TRMT13: variants seen among roughly 807,000 people sequenced by gnomAD.
TRMT13 encodes tRNA methyltransferase 13.
TRMT13 carries 45 observed loss-of-function variants against 55.9 expected under a neutral mutation model. The ratio of observed to expected loss-of-function variants is 0.80; its 90% confidence interval spans 0.63 to 1.03. The LOEUF (loss-of-function observed/expected upper bound fraction) is 1.03, where lower values mean the gene tolerates loss of function less well. Ranked by LOEUF, TRMT13 falls within the 50% of genes least tolerant of loss-of-function variation. The probability of loss-of-function intolerance (pLI) is 0.00; values close to 1 mark genes in which losing one functional copy is unlikely to be tolerated. For missense variants in TRMT13, 513 were observed against 563.9 expected, an observed-to-expected ratio of 0.91 and a Z score of 0.91; for synonymous variants, 183 against 196.3, an observed-to-expected ratio of 0.93 and a Z score of 0.57.
intron 1 of TRMT13, among the ~76,000 whole-genome samples, chr1:100,134,967 T>C (rs2101712813): frequency 6.6e-6 from 1 of 152,340 alleles, no homozygotes; most frequent in South Asian, 2.1e-4. Flanking sequence ...AAGTGTCATA[T>C]ATAGCTGTGA....
rs529877317 is a variant in TRMT13, at chr1:100,149,526, T to G, written c.*706T>G. 2,574 of 1,264,224 alleles carry G rather than the reference T, an allele frequency of 2.0e-3. 2 individuals carry two copies. The highest frequency in any genetic ancestry group is 2.9e-3 in the Admixed American group (101 of 34,576). 78.3% of individuals were successfully genotyped at this position (1,264,224 alleles called of 1,614,324 possible). ...TCCAAAAAGATACTTACAAACATAA[T>G]TCACAAATTTGAAATAATTTCTGAA... On this transcript the variant is annotated 3_prime_UTR_variant, in exon 11 of 11. Transcript: ENST00000370141.
Position 100,143,157 on chromosome 1 carries a change from G to T in TRMT13, c.690G>T (p.Lys230Asn), listed in dbSNP as rs1215933679. The change falls in exon 8 of 11, where the codon AAG becomes AAT. Residue 230 changes from lysine to asparagine, a missense_variant. Physicochemically the swap from Lys to Asn is moderately conservative, Grantham distance 94. Transcript: ENST00000370141. ...TRFKVDGKHR[K>N]KNSVFERLQI... ...TGCAGGTGGATGGAAAACACAGAAA[G>T]AAAAATTCAGTGTTTGAAAGACTTC... The T allele has an allele frequency of 1.2e-6, 2 of 1,609,982 alleles. No homozygotes were observed. The highest frequency in any genetic ancestry group is 1.7e-6 in the Non-Finnish European group (2 of 1,177,594).
At position 100,139,490 on chromosome 1, in the gene TRMT13, C is replaced by T. The variant is rs570225964; in HGVS notation, c.262-159C>T. Among the ~76,000 whole-genome samples the T allele has an allele frequency of 9.2e-5, 14 of 152,074 alleles. No homozygotes were observed. The South Asian group carries it at 2.9e-3, about 32-fold the overall frequency. ...CCCAATACCTAAAGCAAACTAGGGC[C>T]TAGAGTAAATATTCAATAGTGATTT... On this transcript the variant is annotated intron_variant, in intron 3 of 10. Transcript: ENST00000370141.
At chr1:100,134,094 G>A (rs1230788559) in intron 1 of TRMT13, among the ~76,000 whole-genome samples, 3 of 151,862 alleles carry the variant, frequency 2.0e-5, no homozygotes, top group Non-Finnish European at 2.9e-5. Flanking sequence ...AATTTTTTTC[G>A]ACTTACAGTT....
chr1:100,136,696 T>A (rs1290079420), intron 1 of TRMT13, among the ~76,000 whole-genome samples, 186 bp from the exon 2 acceptor site: 1 of 152,194 alleles, frequency 6.6e-6, no homozygotes, highest in Non-Finnish European at 1.5e-5. Flanking sequence ...TTCATATGTA[T>A]TTAAGCCAGT....
chr1:100,133,627 A>G (rs543767406), intron 1 of TRMT13, among the ~76,000 whole-genome samples: 15 of 152,296 alleles, frequency 9.8e-5, no homozygotes, highest in African/African-American at 3.6e-4. Flanking sequence ...TTCCTGCTGG[A>G]AAGTGGTAGT....
chr1:100,143,081 A>T (rs1656813001), intron 7 of TRMT13, 56 bp from the exon 8 acceptor site: 3 of 1,206,700 alleles, frequency 2.5e-6, no homozygotes, highest in African/African-American at 1.5e-5. Context: ...TTTTATTTTC[A>T]TAAAGCTTTT....
intron 9 of TRMT13, among the ~76,000 whole-genome samples, chr1:100,144,784 G>A (rs1455417275): frequency 6.6e-6 from 1 of 152,152 alleles, no homozygotes; most frequent in Non-Finnish European, 1.5e-5. Context: ...CATGTAAAGT[G>A]TCTGGCACAT....
In TRMT13 at chr1:100,144,085, A is replaced by G. The variant is rs769453401; in HGVS notation, c.759A>G (p.Leu253=). The part of the protein sequence containing the change: ...QHLCLNKIPV[L]REEKLPVVGI... ...CCATTTCAGACAAGATTCCTGTGCT[A>G]AGAGAAGAAAAACTACCTGTGGTAG... The change falls in exon 9 of 11, where the codon CTA becomes CTG. Residue 253 remains leucine (L), a synonymous_variant. Transcript: ENST00000370141. 7 of 1,613,042 alleles carry G rather than the reference A, an allele frequency of 4.3e-6. No individual in the cohort carries two copies. The highest frequency in any genetic ancestry group is 5.9e-6 in the Non-Finnish European group (7 of 1,179,244).
rs145739976 is a variant in TRMT13 at position 100,133,207 on chromosome 1, T to C, written c.39T>C (p.Phe13=). The part of the protein sequence containing the change: ...TSATSPHAPG[F]PAEGRCGYYV... ...CGACGTCGCCGCACGCGCCTGGTTT[T>C]CCAGCTGAGGGTAGATGCGGTTACT... Residue 13 remains phenylalanine (F), a synonymous_variant, in exon 1 of 11, where the codon TTT becomes TTC. Transcript: ENST00000370141. The C allele has an allele frequency of 1.2e-4, 187 of 1,614,074 alleles. No individual in the cohort carries two copies. Among genetic ancestry groups the C allele is most frequent in the Middle Eastern group, 3.3e-4 (2 of 6,084 alleles).
Position 100,139,721 on chromosome 1 carries a change from T to G in TRMT13, c.324+10T>G. 6.9e-7 allele frequency: 1 copy of G among 1,448,980 alleles called. No homozygotes were observed. Among genetic ancestry groups the G allele is most frequent in the African/African-American group, 1.4e-5 (1 of 70,944 alleles). The allele number at this position is 1,448,980 out of a possible 1,614,324, so 89.8% of individuals were successfully genotyped here. ...AATACCTGAACAATTAGTAAGTACA[T>G]TGACTTAATATTTAATTTTAAAAGA... On this transcript the variant is annotated intron_variant, in intron 4 of 10. Coordinates refer to ENST00000370141, the MANE Select transcript of TRMT13 (RefSeq NM_019083.3).
intron 3 of TRMT13, 97 bp from the exon 4 acceptor site, chr1:100,139,552 T>C (rs1656334536): frequency 1.4e-6 from 1 of 702,766 alleles, no homozygotes; most frequent in Non-Finnish European, 2.5e-6. Context: ...GGATGGCAGG[T>C]ACAGAGCAGG....
Position 100,149,326 on chromosome 1 carries a change from A to C in TRMT13, c.*506A>C. On this transcript the variant is annotated 3_prime_UTR_variant, in exon 11 of 11. Transcript: ENST00000370141. Reference sequence around the variant, plus strand: ...TTTCTCAAATGCAGACAATTCAGAGATATTCACAATTAATAAACACAATTA... The same window carrying C: ...TTTCTCAAATGCAGACAATTCAGAGCTATTCACAATTAATAAACACAATTA... The C allele has an allele frequency of 6.5e-7, 1 of 1,541,590 alleles. No homozygotes were observed. The highest frequency in any genetic ancestry group is 8.7e-7 in the Non-Finnish European group (1 of 1,144,590).
chr1:100,133,395 C>T (rs1442491803), intron 1 of TRMT13, 80 bp downstream of exon 1: 46 of 1,467,402 alleles, frequency 3.1e-5, no homozygotes, highest in Non-Finnish European at 4.1e-5. Flanking sequence ...CCCCTCCCCT[C>T]TTTGACAGCT....
chr1:100,143,135 A>G lies in TRMT13; in HGVS notation c.670-2A>G. 4.4e-6 allele frequency: 7 copies of G among 1,599,546 alleles called. No homozygotes were observed. Among genetic ancestry groups the G allele is most frequent in the Non-Finnish European group, 6.0e-6 (7 of 1,168,618 alleles). On this transcript the variant is annotated splice_acceptor_variant, in intron 7 of 10. Transcript: ENST00000370141. LOFTEE classifies it high-confidence loss of function. ...TATTACAATAATGTTCTGTTTGTGC[A>G]GGTGGATGGAAAACACAGAAAGAAA...
At position 100,150,278 on chromosome 1, in the gene TRMT13, A is replaced by G. The variant is rs1320006459; in HGVS notation, c.*1458A>G. On this transcript the variant is annotated 3_prime_UTR_variant, in exon 11 of 11. Coordinates refer to ENST00000370141, the MANE Select transcript of TRMT13 (RefSeq NM_019083.3). ...AGGCTTTGATTTTATTATCTCTTTA[A>G]GTTGTTAACTTTTTTCCCTTGTTAT... is the stretch of plus-strand genomic sequence containing the variant. The G allele has an allele frequency of 6.6e-6, 1 of 152,184 alleles. No individual in the cohort carries two copies. Among genetic ancestry groups the G allele is most frequent in the African/African-American group, 2.4e-5 (1 of 41,454 alleles). 9.4% of individuals were successfully genotyped at this position (152,184 alleles called of 1,614,324 possible).
At position 100,149,479 on chromosome 1, in the gene TRMT13, G is replaced by T; in HGVS notation, c.*659G>T. 1 of 1,500,680 alleles carries T rather than the reference G, an allele frequency of 6.7e-7. No homozygotes were observed. The highest frequency in any genetic ancestry group is 2.2e-5 in the Admixed American group (1 of 44,876). 93.0% of individuals were successfully genotyped at this position (1,500,680 alleles called of 1,614,324 possible). ...GATTATTTCACTTAATTATTTTGTT[G>T]GATAATTGTCTAGTTAGAACTTCCA... On this transcript the variant is annotated 3_prime_UTR_variant, in exon 11 of 11. Coordinates refer to ENST00000370141, the MANE Select transcript of TRMT13 (RefSeq NM_019083.3).
intron 9 of TRMT13, 76 bp downstream of exon 9, chr1:100,144,219 T>G: frequency 9.7e-7 from 1 of 1,029,248 alleles, no homozygotes; most frequent in South Asian, 1.3e-5. Context: ...ATTTCAGTGG[T>G]CTCTTTTGAA....
chr1:100,140,072 A>G lies in TRMT13; in HGVS notation c.325-110A>G, dbSNP rs561347231. ...AGGGAAAAGGCTTGATAGAGAGAAG[A>G]GCCTAAGCTGTCATGGGATTTGCCC... On this transcript the variant is annotated intron_variant, in intron 4 of 10. Coordinates refer to ENST00000370141, the MANE Select transcript of TRMT13 (RefSeq NM_019083.3). The G allele has an allele frequency of 5.9e-6, 4 of 680,534 alleles. No homozygotes were observed. The South Asian group carries it at 5.9e-5, about 10-fold the overall frequency. The allele number at this position is 680,534 out of a possible 1,614,324, so 42.2% of individuals were successfully genotyped here. A position where few individuals can be genotyped will look rare whatever the true frequency, so the allele number is the denominator to read the frequency against.
Sources: gnomAD v4.1 joint callset for allele counts (sites outside exome capture counted in the v4.1 genomes callset) on GRCh38, gnomAD v4.1.1 for gene constraint, MANE v1.5 for transcripts, NCBI Gene and HGNC (gene_info 2026-07-23, HGNC 2026-07-21) for gene names.